SAP130: variants seen among roughly 807,000 people sequenced by gnomAD.
SAP130 encodes Sin3A associated protein 130, also known as histone deacetylase complex subunit SAP130.
SAP130 carries 16 observed loss-of-function variants against 103.2 expected under a neutral mutation model. The observed-to-expected ratio is 0.16, with a 90% confidence interval of 0.10 to 0.24. The LOEUF (loss-of-function observed/expected upper bound fraction) is 0.24. Among genes scored for constraint, SAP130 ranks in the 10% least tolerant of loss-of-function variants. SAP130 has a pLI of 1.00. For missense variants in SAP130, 990 were observed against 1,359.7 expected (o/e 0.73, Z 4.28); for synonymous variants, 477 against 497.0 (o/e 0.96, Z 0.53).
chr2:127,941,515 C>T lies in SAP130; in HGVS notation c.*491G>A, dbSNP rs1678706897. On this transcript the variant is annotated 3_prime_UTR_variant, in exon 21 of 21. Coordinates refer to ENST00000643581, the MANE Select transcript of SAP130 (RefSeq NM_001330301.2). ...TGTGGCAGCTCGCTTGGTGCCGTGGCACTGCTGTAAAAGGCCAACATGGGC... is the reference window on the plus strand; with the variant it reads ...TGTGGCAGCTCGCTTGGTGCCGTGGTACTGCTGTAAAAGGCCAACATGGGC... The T allele has an allele frequency of 6.5e-6, 1 of 155,012 alleles. No homozygotes were observed. Among genetic ancestry groups the T allele is most frequent in the Admixed American group, 6.5e-5 (1 of 15,294 alleles). 9.6% of individuals were successfully genotyped at this position (155,012 alleles called of 1,614,324 possible). A position where few individuals can be genotyped will look rare whatever the true frequency, so the allele number is the denominator to read the frequency against.
chr2:128,013,468 CG>C, intron 5 of SAP130, among the ~76,000 whole-genome samples: 1 of 152,272 alleles, frequency 6.6e-6, no homozygotes, highest in African/African-American at 2.4e-5. Context: ...TGACGAGGCT[CG>C]GACACTTTGC....
chr2:127,946,235 AAAGGT>A (rs1171858638), intron 18 of SAP130, among the ~76,000 whole-genome samples: 1 of 152,130 alleles, frequency 6.6e-6, no homozygotes, highest in Non-Finnish European at 1.5e-5. Flanking sequence ...GTTCAAACCT[AAAGGT>A]GCTCCCCATA....
At chr2:127,962,733 TG>T (rs1680346263) in intron 15 of SAP130, among the ~76,000 whole-genome samples, 2 of 42,078 alleles carry the variant, frequency 4.8e-5, no homozygotes, top group Admixed American at 2.7e-4. Flanking sequence ...TGTTGTGGGG[TG>T]GGGGGAGGGG....
intron 12 of SAP130, among the ~76,000 whole-genome samples, chr2:127,992,694 A>C (rs1017236255): frequency 3.9e-5 from 6 of 152,372 alleles, no homozygotes; most frequent in African/African-American, 1.4e-4. Flanking sequence ...AAAGAACACT[A>C]TTCACACGTC....
intron 7 of SAP130, among the ~76,000 whole-genome samples, chr2:128,007,168 T>A (rs1411549330): frequency 6.6e-6 from 1 of 152,224 alleles, no homozygotes; most frequent in Non-Finnish European, 1.5e-5. Flanking sequence ...AGGTGCCACA[T>A]CTATGGATTC....
intron 10 of SAP130, among the ~76,000 whole-genome samples, chr2:127,998,705 T>C (rs961486546): frequency 2.0e-5 from 3 of 152,236 alleles, no homozygotes; most frequent in Admixed American, 6.5e-5. Flanking sequence ...CTTAGGAAGA[T>C]AGAAGGACAT....
rs138567419 is a variant in SAP130, at chr2:127,983,917, T to C, written c.1958+2868A>G. On this transcript the variant is annotated intron_variant, in intron 14 of 20. Transcript: ENST00000643581. ...AGTTCAATTTACTATATAGAAATCATTGGGTTTTATATTTGCAGTTAACTT... is the reference window on the plus strand; with the variant it reads ...AGTTCAATTTACTATATAGAAATCACTGGGTTTTATATTTGCAGTTAACTT... 8.0e-4 allele frequency among the ~76,000 whole-genome samples: 118 copies of C among 146,588 alleles called. No homozygotes were observed. The Middle Eastern group carries it at 0.01, about 13-fold the overall frequency.
chr2:127,997,015 T>C (rs1193689270), intron 10 of SAP130, among the ~76,000 whole-genome samples: 3 of 152,354 alleles, frequency 2.0e-5, no homozygotes, highest in African/African-American at 7.2e-5. Context: ...TTATAAAATG[T>C]AGCTAATTAG....
At chr2:127,951,828 T>A (rs1679516014) in intron 16 of SAP130, among the ~76,000 whole-genome samples, 1 of 152,200 alleles carries the variant, frequency 6.6e-6, no homozygotes, top group African/African-American at 2.4e-5. Flanking sequence ...TCACACCTTC[T>A]TCTCCCTCAA....
In SAP130 at chr2:127,993,263, G is replaced by C. The variant is rs1029505831; in HGVS notation, c.1401C>G (p.Pro467=). The change falls in exon 12 of 21, where the codon CCC becomes CCG. Residue 467 remains proline, a synonymous_variant. Coordinates refer to ENST00000643581, the MANE Select transcript of SAP130 (RefSeq NM_001330301.2). The stretch of plus-strand genomic sequence containing the variant: ...GTGCCGCCAGTGGGTATGCAGAAGG[G>C]GGGTAAGTTGGCAAAAAATATTGGA... ...VQFQYFLPTY[P]PSAYPLAAHT... 23 of 1,613,822 alleles carry C rather than the reference G, an allele frequency of 1.4e-5. No homozygotes were observed. In the Admixed American group the frequency reaches 2.7e-4, roughly 19 times the overall value.
At chr2:127,978,761 G>A (rs1052804669) in intron 14 of SAP130, among the ~76,000 whole-genome samples, 6 of 152,104 alleles carry the variant, frequency 3.9e-5, no homozygotes, top group Non-Finnish European at 8.8e-5. Context: ...TCTCAAAAAG[G>A]GTGAGCACCA....
rs373015053 is a variant in SAP130, at chr2:128,025,809, G to C, written c.112+372C>G. ...ACCATAGGGAAACCGCATATCCTTT[G>C]TTTTCCACTTCTTTTCCTAGATAAT... On this transcript the variant is annotated intron_variant, in intron 2 of 20. Transcript: ENST00000643581. Among the ~76,000 whole-genome samples the C allele has an allele frequency of 3.3e-5, 5 of 152,248 alleles. No individual in the cohort carries two copies. The South Asian group carries it at 1.0e-3, about 32-fold the overall frequency.
chr2:127,988,330 A>G (rs1682542314), intron 13 of SAP130, among the ~76,000 whole-genome samples: 1 of 151,802 alleles, frequency 6.6e-6, no homozygotes, highest in Non-Finnish European at 1.5e-5. Flanking sequence ...TGTCTGAGGC[A>G]TAAGGACTGC....
intron 15 of SAP130, among the ~76,000 whole-genome samples, chr2:127,958,153 G>A (rs909584881): frequency 1.1e-4 from 16 of 152,226 alleles, no homozygotes; most frequent in Non-Finnish European, 2.4e-4. Context: ...AGTGGCTCAC[G>A]CCTGTAATCC....
At chr2:127,960,290 C>G (rs1417985494) in intron 15 of SAP130, among the ~76,000 whole-genome samples, 1 of 152,128 alleles carries the variant, frequency 6.6e-6, no homozygotes, top group African/African-American at 2.4e-5. Context: ...GAAGGGAATT[C>G]AGAGCCTGGC....
intron 16 of SAP130, among the ~76,000 whole-genome samples, chr2:127,951,713 C>T (rs1032052485): frequency 6.6e-6 from 1 of 152,192 alleles, no homozygotes; most frequent in Non-Finnish European, 1.5e-5. Context: ...AACCAGTCTG[C>T]ACCTACGCAA....
chr2:127,970,725 C>T lies in SAP130; in HGVS notation c.2063+7260G>A, dbSNP rs1573696507. 2.0e-5 allele frequency among the ~76,000 whole-genome samples: 3 copies of T among 151,816 alleles called. No individual in the cohort carries two copies. The East Asian group carries it at 5.8e-4, about 29-fold the overall frequency. ...AAAACAAAACAAAACAAAAAAAAGA[C>T]CAGTCATATTCAATTGAGGATTCAC... On this transcript the variant is annotated intron_variant, in intron 15 of 20. Coordinates refer to ENST00000643581, the MANE Select transcript of SAP130 (RefSeq NM_001330301.2).
intron 18 of SAP130, among the ~76,000 whole-genome samples, chr2:127,947,075 G>T (rs893160954): frequency 6.6e-6 from 1 of 151,402 alleles, no homozygotes; most frequent in Non-Finnish European, 1.5e-5. Context: ...ACACAGAGAA[G>T]AATGCCATTT....
chr2:127,961,474 C>T (rs921745903), intron 15 of SAP130, among the ~76,000 whole-genome samples: 28 of 151,666 alleles, frequency 1.8e-4, no homozygotes, highest in Non-Finnish European at 3.2e-4. Context: ...ACCCAACTTC[C>T]CTGCTTATTT....
Sources: gnomAD v4.1 joint callset for allele counts (sites outside exome capture counted in the v4.1 genomes callset) on GRCh38, gnomAD v4.1.1 for gene constraint, MANE v1.5 for transcripts, NCBI Gene and HGNC (gene_info 2026-07-23, HGNC 2026-07-21) for gene names.